SNPH: variants seen among roughly 807,000 people sequenced by gnomAD.
SNPH encodes the protein syntaphilin.
A neutral mutation model predicts 36.8 loss-of-function variants in SNPH; 10 were observed. The observed-to-expected ratio is 0.27, with a 90% CI of 0.17 to 0.46. The LOEUF (loss-of-function observed/expected upper bound fraction) is 0.46, where lower values mean the gene tolerates loss of function less well. Among genes scored for constraint, SNPH ranks in the 20% least tolerant of loss-of-function variants. The pLI, the probability that SNPH is intolerant of heterozygous loss-of-function variation, is 1.00. For synonymous variants in SNPH, 281 were observed against 312.2 expected (o/e 0.90, Z 1.05); for missense variants, 622 against 744.0 (o/e 0.84, Z 1.91).
At chr20:1,272,048 A>G (rs755530348) in intron 2 of SNPH, among the ~76,000 whole-genome samples, 3 of 152,210 alleles carry the variant, frequency 2.0e-5, no homozygotes, top group Non-Finnish European at 4.4e-5. Flanking sequence ...AGAACATTTT[A>G]ATATTTCTAT....
intron 2 of SNPH, among the ~76,000 whole-genome samples, chr20:1,278,508 T>G (rs945102871): frequency 3.3e-5 from 5 of 152,134 alleles, no homozygotes; most frequent in African/African-American, 1.2e-4. Context: ...CCCCAAAAGT[T>G]TCCTCCCCCT....
rs35467629 is a variant in SNPH at position 1,304,905 on chromosome 20, G to A, written c.468G>A (p.Thr156=). 68,391 of 1,613,250 alleles carry A rather than the reference G, an allele frequency of 0.042. 1,767 individuals are homozygous for A. The highest frequency in any genetic ancestry group is 0.099 in the Middle Eastern group (601 of 6,062). Residue 156 remains threonine, a synonymous_variant, in exon 7 of 7, where the codon ACG becomes ACA. Coordinates refer to ENST00000381867, the MANE Select transcript of SNPH (RefSeq NM_001318234.2). The surrounding 1 kb of genome is among the most constrained non-coding windows in gnomAD (Gnocchi z 4.3). ...DRDTEIDDLK[T]QLSRMQEDWI... Reference sequence around the variant, plus strand: ...ACACAGAGATTGATGACCTGAAGACGCAGCTGTCACGCATGCAGGAGGACT... The same window carrying A: ...ACACAGAGATTGATGACCTGAAGACACAGCTGTCACGCATGCAGGAGGACT...
chr20:1,273,798 A>T (rs914746982), intron 2 of SNPH, among the ~76,000 whole-genome samples: 11 of 152,168 alleles, frequency 7.2e-5, no homozygotes, highest in African/African-American at 2.2e-4. Flanking sequence ...AGAAAAAAAG[A>T]AGCAGTCAAC....
chr20:1,292,448 C>T (rs2088374608), intron 2 of SNPH, among the ~76,000 whole-genome samples: 1 of 152,196 alleles, frequency 6.6e-6, no homozygotes, highest in African/African-American at 2.4e-5. Context: ...TCTGGGACTT[C>T]CAAGGAATTT....
rs116437215 is a variant in SNPH, at chr20:1,276,709, C to T, written c.-493+9949C>T. On this transcript the variant is annotated intron_variant, in intron 2 of 6. Coordinates refer to ENST00000381867, the MANE Select transcript of SNPH (RefSeq NM_001318234.2). The surrounding 1 kb of genome is among the most constrained non-coding windows in gnomAD (Gnocchi z 4.6). The stretch of plus-strand genomic sequence containing the variant: ...GTATAGGAATCACTTTATAACTTCC[C>T]TACTTTCCCAAAGTGCCAACACATC... Among the ~76,000 whole-genome samples, 76 of 152,280 alleles carry T rather than the reference C, an allele frequency of 5.0e-4. No individual in the cohort carries two copies. Among genetic ancestry groups the T allele is most frequent in the African/African-American group, 1.8e-3 (73 of 41,546 alleles).
Position 1,298,804 on chromosome 20 carries a change from TTGTGTGTGTGTGTGTGTG to T in SNPH, c.290+1576_290+1593del, listed in dbSNP as rs3038999. ...CGTCACAGCGTATTTTTTTTCTAAT[TTGTGTGTGTGTGTGTGTG>T]TGTGTGTGTGTGTGTGTGTGTGTAT... On this transcript the variant is annotated intron_variant, in intron 5 of 6. Coordinates refer to ENST00000381867, the MANE Select transcript of SNPH (RefSeq NM_001318234.2). Among the ~76,000 whole-genome samples, 153 of 141,210 alleles carry T rather than the reference TTGTGTGTGTGTGTGTGTG, an allele frequency of 1.1e-3. 2 individuals carry two copies. The highest frequency in any genetic ancestry group is 3.4e-3 in the African/African-American group (131 of 38,030). The allele number at this position is 141,210 out of a possible 152,430, so 92.6% of individuals were successfully genotyped here. A position where few individuals can be genotyped will look rare whatever the true frequency, so the allele number is the denominator to read the frequency against.
intron 6 of SNPH, among the ~76,000 whole-genome samples, chr20:1,301,513 T>C (rs1270998057): frequency 2.0e-5 from 3 of 152,064 alleles, no homozygotes; most frequent in Non-Finnish European, 4.4e-5. Flanking sequence ...TTCTTTTTTT[T>C]TTTTAATACA....
At chr20:1,284,222 G>A (rs1382734173) in intron 2 of SNPH, among the ~76,000 whole-genome samples, 3 of 152,162 alleles carry the variant, frequency 2.0e-5, no homozygotes, top group African/African-American at 7.2e-5. Context: ...ACTGTGTGTA[G>A]AAAGGACTAT....
chr20:1,282,865 C>T (rs2088242427), intron 2 of SNPH, among the ~76,000 whole-genome samples: 1 of 152,162 alleles, frequency 6.6e-6, no homozygotes, highest in Non-Finnish European at 1.5e-5. Flanking sequence ...ATGCTAAGAA[C>T]TAGGTTTCCA....
intron 6 of SNPH, among the ~76,000 whole-genome samples, chr20:1,303,141 G>A (rs184697981): frequency 9.9e-5 from 15 of 152,244 alleles, no homozygotes; most frequent in African/African-American, 3.1e-4. Flanking sequence ...CTCTCCATAT[G>A]GAGTTTCATG....
In SNPH at chr20:1,305,333, C is replaced by T. The variant is rs373433553; in HGVS notation, c.896C>T (p.Thr299Met). The change falls in exon 7 of 7, where the codon ACG (threonine) becomes ATG (methionine). Residue 299 changes from threonine to methionine, a missense_variant. This residue lies in a region of SNPH where 379 missense variants were observed against 427.9 expected (regional missense o/e 0.89). Transcript: ENST00000381867. ...GCAGCCGATGACACACTGAGCCGGA[C>T]GGACGCGCTGGAAGCCAGCAGCCTG... Reference protein sequence around the residue: ...FAAADDTLSRTDALEASSLLS... With the variant: ...FAAADDTLSRMDALEASSLLS... 3.2e-5 allele frequency: 51 copies of T among 1,610,650 alleles called. No homozygotes were observed. In the African/African-American group the frequency reaches 4.3e-4, roughly 13 times the overall value.
chr20:1,300,788 C>A, intron 6 of SNPH, 77 bp downstream of exon 6: 1 of 1,432,842 alleles, frequency 7.0e-7, no homozygotes, highest in Non-Finnish European at 9.3e-7. Context: ...TCTGGGGTGC[C>A]TCTTGGAGGG....
In SNPH at chr20:1,289,512, T is replaced by TACACACAC. The variant is rs56289024; in HGVS notation, c.-492-5401_-492-5394dup. On this transcript the variant is annotated intron_variant, in intron 2 of 6. Transcript: ENST00000381867. ...TTATTAATGCAACGGTTCATTTAAA[T>TACACACAC]ACACACACACACACACACACACACA... 1.3e-3 allele frequency among the ~76,000 whole-genome samples: 174 copies of TACACACAC among 137,740 alleles called. 2 individuals are homozygous for TACACACAC. Among genetic ancestry groups the TACACACAC allele is most frequent in the African/African-American group, 4.4e-3 (160 of 36,018 alleles). 90.4% of individuals were successfully genotyped at this position (137,740 alleles called of 152,430 possible). A position where few individuals can be genotyped will look rare whatever the true frequency, so the allele number is the denominator to read the frequency against.
intron 4 of SNPH, 70 bp downstream of exon 4, chr20:1,296,491 C>T (rs949083180): frequency 9.9e-6 from 13 of 1,318,080 alleles, no homozygotes; most frequent in African/African-American, 1.5e-5. Context: ...CTCTCTCTAC[C>T]TGCCACCAAC....
chr20:1,266,610 C>G lies in SNPH; in HGVS notation c.-599-44C>G, dbSNP rs1455959708. On this transcript the variant is annotated intron_variant, in intron 1 of 6. Transcript: ENST00000381867. This position sits in a 1 kb window ranked among gnomAD's most constrained non-coding sequence, Gnocchi z 6.0. The stretch of plus-strand genomic sequence containing the variant: ...CTCAGCTGCCTGGGTGTTCCCCGCC[C>G]GCGCTCACCCGCCCCGGTCTATCTC... 7.0e-7 allele frequency: 1 copy of G among 1,435,628 alleles called. No individual in the cohort carries two copies. The highest frequency in any genetic ancestry group is 3.0e-5 in the East Asian group (1 of 32,964). 88.9% of individuals were successfully genotyped at this position (1,435,628 alleles called of 1,614,324 possible).
intron 2 of SNPH, among the ~76,000 whole-genome samples, chr20:1,289,238 G>C (rs2088321533): frequency 6.6e-6 from 1 of 152,132 alleles, no homozygotes; most frequent in Non-Finnish European, 1.5e-5. Context: ...AGATGGACTA[G>C]TCTCTACCTG....
chr20:1,300,060 C>T (rs941963701), intron 5 of SNPH, among the ~76,000 whole-genome samples: 4 of 152,300 alleles, frequency 2.6e-5, no homozygotes, highest in Non-Finnish European at 4.4e-5. Context: ...CATGCAGACC[C>T]AGCATCTGCC....
In SNPH at chr20:1,305,218, A is replaced by G; in HGVS notation, c.781A>G (p.Lys261Glu). 1 of 1,611,682 alleles carries G rather than the reference A, an allele frequency of 6.2e-7. No homozygotes were observed. The highest frequency in any genetic ancestry group is 8.5e-7 in the Non-Finnish European group (1 of 1,179,724). ...CCTCACCCGCAGCTCCACCTACACCAAGCTGAGTGACCCGGCTGTCTGTGG... is the reference window on the plus strand; with the variant it reads ...CCTCACCCGCAGCTCCACCTACACCGAGCTGAGTGACCCGGCTGTCTGTGG... ...RSLTRSSTYT[K>E]LSDPAVCGDR... The change falls in exon 7 of 7, where the codon AAG becomes GAG. Residue 261 changes from lysine to glutamate, a missense_variant. By Grantham distance (56) the Lys-to-Glu change is moderately conservative. This residue lies in a region of SNPH where 379 missense variants were observed against 427.9 expected (regional missense o/e 0.89). Coordinates refer to ENST00000381867, the MANE Select transcript of SNPH (RefSeq NM_001318234.2).
Position 1,305,586 on chromosome 20 carries a change from G to A in SNPH, c.1149G>A (p.Gly383=), listed in dbSNP as rs1367907967. Residue 383 remains glycine (G), a synonymous_variant, in exon 7 of 7, where the codon GGG becomes GGA. Coordinates refer to ENST00000381867, the MANE Select transcript of SNPH (RefSeq NM_001318234.2). The part of the protein sequence containing the change: ...LEKVTQAQVC[G]TDPESGDRCP... ...AAGTGACCCAGGCCCAGGTCTGTGG[G>A]ACAGACCCTGAGTCAGGGGACAGGT... The A allele has an allele frequency of 5.0e-6, 8 of 1,613,558 alleles. No homozygotes were observed. The highest frequency in any genetic ancestry group is 1.7e-5 in the Admixed American group (1 of 60,034).
Sources: allele counts gnomAD v4.1 joint callset (sites outside exome capture counted in the v4.1 genomes callset), GRCh38; gene constraint gnomAD v4.1.1; regional missense constraint gnomAD v4.1.1; non-coding constraint Gnocchi (gnomAD v3.1); transcripts MANE v1.5; gene names NCBI Gene and HGNC (gene_info 2026-07-23, HGNC 2026-07-21).